Variants in WIZ observed in about 807,000 individuals in gnomAD.
WIZ encodes WIZ zinc finger, also known as protein Wiz.
WIZ carries 25 observed loss-of-function variants against 140.2 expected under a neutral mutation model. That is an observed-to-expected ratio of 0.18 (90% CI 0.13 to 0.25). WIZ has a LOEUF of 0.25. WIZ is among the 10% of genes least tolerant of loss of function. The pLI is 1.00. For missense variants in WIZ, 2,231 were observed against 2,632.6 expected (o/e 0.85, Z 3.34); for synonymous variants, 1,125 against 1,154.3 (o/e 0.97, Z 0.51).
intron 5 of WIZ, among the ~76,000 whole-genome samples, chr19:15,434,090 A>C (rs1969421064): frequency 6.6e-6 from 1 of 152,080 alleles, no homozygotes; most frequent in Admixed American, 6.5e-5. Flanking sequence ...CCCCATCTCT[A>C]CTAAAAATAC....
At position 15,428,396 on chromosome 19, in the gene WIZ, G is replaced by A. The variant is rs1326209674; in HGVS notation, c.3528C>T (p.Val1176=). 3 of 1,535,578 alleles carry A rather than the reference G, an allele frequency of 2.0e-6. No homozygotes were observed. The highest frequency in any genetic ancestry group is 2.6e-6 in the Non-Finnish European group (3 of 1,146,768). ...HARAHLRHLG[V]SDPDAKGSPI... ...GGGATCCCTTGGCGTCCGGATCGCTGACGCCCAGGTGGCGCAGGTGGGCAC... is the reference window on the plus strand; with the variant it reads ...GGGATCCCTTGGCGTCCGGATCGCTAACGCCCAGGTGGCGCAGGTGGGCAC... Residue 1176 remains valine, a synonymous_variant, in exon 8 of 13, where the codon GTC becomes GTT. Transcript: ENST00000673675. The surrounding 1 kb of genome is among the most constrained non-coding windows in gnomAD (Gnocchi z 6.4).
Position 15,425,226 on chromosome 19 carries a change from C to A in WIZ, c.4894+15G>T. 6.4e-7 allele frequency: 1 copy of A among 1,562,420 alleles called. No homozygotes were observed. Among genetic ancestry groups the A allele is most frequent in the Non-Finnish European group, 8.7e-7 (1 of 1,154,518 alleles). The stretch of plus-strand genomic sequence containing the variant: ...TGGCGGTCGCCCTCCCAGGACCCTG[C>A]CGCCCGCTGCTTACAGGAGTGGGAG... On this transcript the variant is annotated intron_variant, in intron 10 of 12. Coordinates refer to ENST00000673675, the MANE Select transcript of WIZ (RefSeq NM_001371589.1).
chr19:15,447,444 G>T (rs1229940767), intron 2 of WIZ, among the ~76,000 whole-genome samples: 1 of 152,242 alleles, frequency 6.6e-6, no homozygotes, highest in Admixed American at 6.5e-5. Flanking sequence ...TTGTTTAGTT[G>T]CTTGTTGTCC....
At chr19:15,426,589 A>T (rs1968836139) in intron 9 of WIZ, among the ~76,000 whole-genome samples, 1 of 152,206 alleles carries the variant, frequency 6.6e-6, no homozygotes, top group South Asian at 2.1e-4. Context: ...TCAAGCACTT[A>T]ATTACCAAAA....
chr19:15,420,449 C>T lies in WIZ; in HGVS notation c.*2627G>A, dbSNP rs1185058408. 6.6e-6 allele frequency: 1 copy of T among 152,226 alleles called. No homozygotes were observed. Among genetic ancestry groups the T allele is most frequent in the African/African-American group, 2.4e-5 (1 of 41,444 alleles). 9.4% of individuals were successfully genotyped at this position (152,226 alleles called of 1,614,324 possible). A position where few individuals can be genotyped will look rare whatever the true frequency, so the allele number is the denominator to read the frequency against. ...ATCTCCCCATCAGCCTCAGGGATGC[C>T]TGCCTGTCTTCCAAACCAAGGCAGG... On this transcript the variant is annotated 3_prime_UTR_variant, in exon 13 of 13. Coordinates refer to ENST00000673675, the MANE Select transcript of WIZ (RefSeq NM_001371589.1).
Position 15,427,267 on chromosome 19 carries a change from G to C in WIZ, c.4081C>G (p.Leu1361Val). ...AGGTCCGAGGGGCTGCGGGCTTCCA[G>C]TGAGCTGCCAGGACCTGCGCCGCCC... ...MMGGAGPGSS[L>V]EARSPSDLHI... The change falls in exon 9 of 13, where the codon CTG (leucine) becomes GTG (valine). Residue 1361 changes from leucine to valine, a missense_variant. Transcript: ENST00000673675. The surrounding 1 kb of genome is among the most constrained non-coding windows in gnomAD (Gnocchi z 6.4). The C allele has an allele frequency of 1.2e-6, 2 of 1,613,826 alleles. No homozygotes were observed. Among genetic ancestry groups the C allele is most frequent in the Non-Finnish European group, 1.7e-6 (2 of 1,180,024 alleles).
chr19:15,445,036 T>C (rs568807840), intron 2 of WIZ, among the ~76,000 whole-genome samples: 1 of 152,302 alleles, frequency 6.6e-6, no homozygotes, highest in South Asian at 2.1e-4. Flanking sequence ...CCAAGACACC[T>C]TGGGGGTGGG....
In WIZ at chr19:15,420,146, G is replaced by A. The variant is rs1968316173; in HGVS notation, c.*2930C>T. On this transcript the variant is annotated 3_prime_UTR_variant, in exon 13 of 13. Coordinates refer to ENST00000673675, the MANE Select transcript of WIZ (RefSeq NM_001371589.1). Reference sequence around the variant, plus strand: ...ACACAATTCAGACAGGTAGAGAGAGGAGGAGGAAGCAAGGAGCTATAAGAT... The same window carrying A: ...ACACAATTCAGACAGGTAGAGAGAGAAGGAGGAAGCAAGGAGCTATAAGAT... 6.6e-6 allele frequency: 1 copy of A among 152,248 alleles called. No individual in the cohort carries two copies. Among genetic ancestry groups the A allele is most frequent in the South Asian group, 2.1e-4 (1 of 4,832 alleles). 9.4% of individuals were successfully genotyped at this position (152,248 alleles called of 1,614,324 possible). A position where few individuals can be genotyped will look rare whatever the true frequency, so the allele number is the denominator to read the frequency against.
chr19:15,424,699 C>G lies in WIZ; in HGVS notation c.5228G>C (p.Arg1743Pro), dbSNP rs201450941. The G allele has an allele frequency of 5.6e-4, 885 of 1,581,728 alleles. 3 individuals are homozygous for G. The African/African-American group carries it at 0.01, about 18-fold the overall frequency. The change falls in exon 11 of 13, where the codon CGG becomes CCG. Residue 1743 changes from arginine (R) to proline (P), a missense_variant. Arg to Pro is a moderately radical substitution (Grantham distance 103, BLOSUM62 -2). Coordinates refer to ENST00000673675, the MANE Select transcript of WIZ (RefSeq NM_001371589.1). This position sits in a 1 kb window ranked among gnomAD's most constrained non-coding sequence, Gnocchi z 9.7. Reference sequence around the variant, plus strand: ...AGGCCGCTCACCACCGTCGGCTGCCCGGCCAGCCTCGGGCCCTGGCTCCCC... The same window carrying G: ...AGGCCGCTCACCACCGTCGGCTGCCGGGCCAGCCTCGGGCCCTGGCTCCCC... ...AGGEPGPEAG[R>P]AADGGERPLA... is the part of the protein sequence containing the mutation.
Position 15,427,435 on chromosome 19 carries a change from G to T in WIZ, c.3913C>A (p.Arg1305=). The change falls in exon 9 of 13, where the codon CGG becomes AGG. Residue 1305 remains arginine, a synonymous_variant. Coordinates refer to ENST00000673675, the MANE Select transcript of WIZ (RefSeq NM_001371589.1). The surrounding 1 kb of genome is among the most constrained non-coding windows in gnomAD (Gnocchi z 6.4). ...TACCACTCGGTCACGCCCATTTGCC[G>T]CAGATGGGAGCGCGCGTGGCTCGAG... is the stretch of plus-strand genomic sequence containing the variant. ...GLSSHARSHL[R]QMGVTEWYVN... is the part of the protein sequence containing the mutation. 1 of 1,613,738 alleles carries T rather than the reference G, an allele frequency of 6.2e-7. No individual in the cohort carries two copies. Among genetic ancestry groups the T allele is most frequent in the Non-Finnish European group, 8.5e-7 (1 of 1,180,028 alleles).
At position 15,440,324 on chromosome 19, in the gene WIZ, C is replaced by T. The variant is rs572450248; in HGVS notation, c.670G>A (p.Asp224Asn). The T allele has an allele frequency of 4.1e-5, 63 of 1,521,514 alleles. No individual in the cohort carries two copies. In the African/African-American group the frequency reaches 8.1e-4, roughly 20 times the overall value. 94.3% of individuals were successfully genotyped at this position (1,521,514 alleles called of 1,614,324 possible). A position where few individuals can be genotyped will look rare whatever the true frequency, so the allele number is the denominator to read the frequency against. ...PFRRVFVPVEDTPKTLDMAVV... is the reference protein window; with the variant it reads ...PFRRVFVPVENTPKTLDMAVV... ...GCCATGTCCAGCGTCTTCGGGGTGT[C>T]TTCCACTGGCACAAACACCCTCCTG... The change falls in exon 4 of 13, where the codon GAC (aspartate) becomes AAC (asparagine). Residue 224 changes from aspartate to asparagine, a missense_variant. By Grantham distance (23) the Asp-to-Asn change is conservative (BLOSUM62 1). This residue lies in a region of WIZ where 307 missense variants were observed against 294.1 expected (regional missense o/e 1.04). Coordinates refer to ENST00000673675, the MANE Select transcript of WIZ (RefSeq NM_001371589.1). This position sits in a 1 kb window ranked among gnomAD's most constrained non-coding sequence, Gnocchi z 6.2.
At chr19:15,431,642 A>C (rs1471474631) in intron 5 of WIZ, among the ~76,000 whole-genome samples, 2 of 152,226 alleles carry the variant, frequency 1.3e-5, no homozygotes, top group Non-Finnish European at 2.9e-5. Context: ...GCTTCACAGC[A>C]CTTGTGAGGA....
intron 2 of WIZ, among the ~76,000 whole-genome samples, chr19:15,447,663 C>T (rs1969965971): frequency 6.6e-6 from 1 of 152,202 alleles, no homozygotes; most frequent in Non-Finnish European, 1.5e-5. Context: ...ACTACCCAGC[C>T]TCTCCCTAGC....
intron 5 of WIZ, chr19:15,432,376 C>T: frequency 8.5e-6 from 8 of 945,300 alleles, no homozygotes; most frequent in African/African-American, 1.8e-5. Flanking sequence ...GGCGGCGGCA[C>T]CGGCAGGCGG....
At chr19:15,423,650 A>G (rs1008490999) in intron 12 of WIZ, among the ~76,000 whole-genome samples, 4 of 152,206 alleles carry the variant, frequency 2.6e-5, no homozygotes, top group South Asian at 2.1e-4. Flanking sequence ...CCCAAGCTCC[A>G]TGGCTCAAGA....
intron 4 of WIZ, among the ~76,000 whole-genome samples, chr19:15,437,732 T>C (rs1307938617): frequency 6.6e-6 from 1 of 152,222 alleles, no homozygotes; most frequent in African/African-American, 2.4e-5. Flanking sequence ...ATTTGATTAA[T>C]AGCCTTCTCG....
Position 15,440,491 on chromosome 19 carries a change from C to CG in WIZ, c.502dup (p.Arg168ProfsTer23). ...TTTCTCCAAAAGCCTTGGTTCCCCCCGGTGGTGTAAGAACCTTCTAGAGCC... is the reference window on the plus strand; with the variant it reads ...TTTCTCCAAAAGCCTTGGTTCCCCCCGGGTGGTGTAAGAACCTTCTAGAGCC... On this transcript the variant is annotated frameshift_variant, in exon 4 of 13. Coordinates refer to ENST00000673675, the MANE Select transcript of WIZ (RefSeq NM_001371589.1). LOFTEE classifies it high-confidence loss of function. This position sits in a 1 kb window ranked among gnomAD's most constrained non-coding sequence, Gnocchi z 6.2. The CG allele has an allele frequency of 6.5e-7, 1 of 1,536,106 alleles. No homozygotes were observed.
Position 15,440,152 on chromosome 19 carries a change from A to G in WIZ, c.842T>C (p.Leu281Pro). 1 of 1,532,560 alleles carries G rather than the reference A, an allele frequency of 6.5e-7. No individual in the cohort carries two copies. Among genetic ancestry groups the G allele is most frequent in the African/African-American group, 1.4e-5 (1 of 72,986 alleles). 94.9% of individuals were successfully genotyped at this position (1,532,560 alleles called of 1,614,324 possible). A position where few individuals can be genotyped will look rare whatever the true frequency, so the allele number is the denominator to read the frequency against. Residue 281 changes from leucine (L) to proline (P), a missense_variant, in exon 4 of 13, where the codon CTG (leucine) becomes CCG (proline). Transcript: ENST00000673675. The surrounding 1 kb of genome is among the most constrained non-coding windows in gnomAD (Gnocchi z 6.2). ...EASVERLQPL[L>P]PPIRTGPYLC... ...GTAGGGCCCGGTCCGGATCGGGGGCAGTAGCGGCTGCAGCCGCTCCACAGA... is the reference window on the plus strand; with the variant it reads ...GTAGGGCCCGGTCCGGATCGGGGGCGGTAGCGGCTGCAGCCGCTCCACAGA...
Position 15,421,882 on chromosome 19 carries a change from C to T in WIZ, c.*1194G>A, listed in dbSNP as rs1222851939. 1 of 152,278 alleles carries T rather than the reference C, an allele frequency of 6.6e-6. No individual in the cohort carries two copies. Among genetic ancestry groups the T allele is most frequent in the Non-Finnish European group, 1.5e-5 (1 of 68,082 alleles). 9.4% of individuals were successfully genotyped at this position (152,278 alleles called of 1,614,324 possible). A position where few individuals can be genotyped will look rare whatever the true frequency, so the allele number is the denominator to read the frequency against. ...CACTGGAGCCGCTTTGCCAGCCAGCCAGAGACCCCCTCCCAGCCATGGCCT... is the reference window on the plus strand; with the variant it reads ...CACTGGAGCCGCTTTGCCAGCCAGCTAGAGACCCCCTCCCAGCCATGGCCT... On this transcript the variant is annotated 3_prime_UTR_variant, in exon 13 of 13. Transcript: ENST00000673675.
Sources: gnomAD v4.1 joint callset for allele counts (sites outside exome capture counted in the v4.1 genomes callset) on GRCh38, gnomAD v4.1.1 for gene constraint, gnomAD v4.1.1 regional missense constraint, Gnocchi (gnomAD v3.1) non-coding constraint, MANE v1.5 for transcripts, NCBI Gene and HGNC (gene_info 2026-07-23, HGNC 2026-07-21) for gene names.